Variants in XPA observed in about 807,000 individuals in gnomAD.
XPA encodes the protein XPA, DNA damage recognition and repair factor, also known as DNA repair protein complementing XP-A cells.
A neutral mutation model predicts 35.7 loss-of-function variants in XPA; 27 were observed. The ratio of observed to expected loss-of-function variants is 0.76; its 90% CI spans 0.56 to 1.04. The LOEUF is 1.04. XPA is among the 50% of genes least tolerant of loss of function. The pLI is 0.00. For missense variants in XPA, 354 were observed against 342.7 expected (o/e 1.03, Z -0.26); for synonymous variants, 133 against 118.4 (o/e 1.12, Z -0.80).
At chr9:97,668,335 G>T in the XPA span, among the ~76,000 whole-genome samples, 1 of 152,196 alleles carries the variant, frequency 6.6e-6, no homozygotes, top group African/African-American at 2.4e-5. Context: ...GCTGGGGGCA[G>T]GGATTATTAA....
the XPA span, chr9:97,663,082 G>A: frequency 1.4e-6 from 2 of 1,456,980 alleles, no homozygotes; most frequent in South Asian, 1.2e-5. Context: ...TTGAAGCTCT[G>A]ATTGTATGGG....
downstream of XPA, chr9:97,673,173 A>G (rs908115606): frequency 6.6e-6 from 1 of 152,168 alleles, no homozygotes; most frequent in African/African-American, 2.4e-5. Context: ...AAATGAGTTT[A>G]TCAACTGTTT....
At chr9:97,669,554 C>G in the XPA span, 1 of 1,399,938 alleles carries the variant, frequency 7.1e-7, no homozygotes, top group Non-Finnish European at 1.0e-6. Flanking sequence ...GTATAAGATT[C>G]TGTCTGTAGT....
At chr9:97,691,742 G>T (rs1019745659) in intron 2 of XPA, among the ~76,000 whole-genome samples, 1 of 151,580 alleles carries the variant, frequency 6.6e-6, no homozygotes, top group South Asian at 2.1e-4. Context: ...AATTAGCCAG[G>T]CATGGTAGTG....
In XPA at chr9:97,697,151, AGGGCCGGGCAGCCAGCC is replaced by A; in HGVS notation, c.125_141del (p.Arg42LeufsTer14). The A allele has an allele frequency of 6.4e-7, 1 of 1,566,344 alleles. No individual in the cohort carries two copies. Among genetic ancestry groups the A allele is most frequent in the Non-Finnish European group, 8.6e-7 (1 of 1,159,274 alleles). On this transcript the variant is annotated frameshift_variant, in exon 1 of 6. Transcript: ENST00000375128. LOFTEE classifies it high-confidence loss of function. Reference sequence around the variant, plus strand: ...GTAGCCGCAGCCGCCGTCGCCGAGTAGGGCCGGGCAGCCAGCCGGGCCTGGCGCAGCATCAGTGCCCG... The same window carrying A: ...GTAGCCGCAGCCGCCGTCGCCGAGTAGGGCCTGGCGCAGCATCAGTGCCCG...
rs781195170 is a variant in XPA at position 97,687,173 on chromosome 9, GCT to G, written c.476_477del (p.Glu159AlafsTer4). 6.2e-7 allele frequency: 1 copy of G among 1,612,268 alleles called. No individual in the cohort carries two copies. The highest frequency in any genetic ancestry group is 8.5e-7 in the Non-Finnish European group (1 of 1,179,456). ...TTCTTCACAATAAATTTAAGAGGTG[GCT>G]CTCTTTTTTCTAAATCACAGTCTTT... ...LLKDCDLEKR[E>X]PPLKFIVKKN... On this transcript the variant is annotated frameshift_variant, in exon 4 of 6. Transcript: ENST00000375128. LOFTEE classifies it high-confidence loss of function.
chr9:97,666,551 G>A, the XPA span, among the ~76,000 whole-genome samples: 17,949 of 152,176 alleles, frequency 0.12, 3,006 homozygotes, highest in African/African-American at 0.37. Context: ...CCCTCAGGGG[G>A]CTCGCCTGAA....
intron 5 of XPA, among the ~76,000 whole-genome samples, chr9:97,677,564 C>A (rs540029801): frequency 6.6e-6 from 1 of 152,120 alleles, no homozygotes; most frequent in African/African-American, 2.4e-5. Context: ...GCCACGGTGA[C>A]ATGAGCCTGT....
the XPA span, among the ~76,000 whole-genome samples, chr9:97,659,360 G>T: frequency 1.3e-5 from 2 of 152,216 alleles, no homozygotes; most frequent in East Asian, 3.9e-4. Context: ...CTTCCATTTT[G>T]TGTTGTGTAG....
chr9:97,658,570 G>A, the XPA span: 2 of 1,163,722 alleles, frequency 1.7e-6, no homozygotes, highest in South Asian at 2.5e-5. Flanking sequence ...TGACTTTCCA[G>A]GTAAGTCGGG....
chr9:97,661,237 TC>T, the XPA span, among the ~76,000 whole-genome samples: 1 of 152,178 alleles, frequency 6.6e-6, no homozygotes, highest in Non-Finnish European at 1.5e-5. Flanking sequence ...TAAAAAGAGA[TC>T]CTAACATTTC....
chr9:97,655,660 AT>A, the XPA span: 16 of 1,513,272 alleles, frequency 1.1e-5, no homozygotes, highest in Non-Finnish European at 1.4e-5. Flanking sequence ...AATCCCAGTT[AT>A]TCTTCCTTTT....
the XPA span, among the ~76,000 whole-genome samples, chr9:97,668,422 G>T: frequency 6.6e-6 from 1 of 152,128 alleles, no homozygotes; most frequent in Admixed American, 6.5e-5. Context: ...ATTATATGTC[G>T]GCTGGAGCCA....
At chr9:97,667,141 C>G in the XPA span, among the ~76,000 whole-genome samples, 2 of 152,094 alleles carry the variant, frequency 1.3e-5, no homozygotes, top group Admixed American at 6.6e-5. Flanking sequence ...CTGGGTCGGC[C>G]TCACGTTTGC....
chr9:97,673,679 C>T (rs1463871191), downstream of XPA: 1 of 152,206 alleles, frequency 6.6e-6, no homozygotes, highest in Non-Finnish European at 1.5e-5. Context: ...TGTCACTGTA[C>T]ATCATACCTT....
At chr9:97,689,318 C>T (rs765932978) in intron 3 of XPA, among the ~76,000 whole-genome samples, 1 of 152,096 alleles carries the variant, frequency 6.6e-6, no homozygotes, top group African/African-American at 2.4e-5. Flanking sequence ...ATGGCAGAAC[C>T]ATCGGCATCC....
chr9:97,663,153 C>T, the XPA span: 1 of 837,188 alleles, frequency 1.2e-6, no homozygotes, highest in Non-Finnish European at 1.9e-6. Context: ...TTTGACTCTG[C>T]CTAGATAATG....
intron 4 of XPA, among the ~76,000 whole-genome samples, chr9:97,685,427 C>T (rs913371986): frequency 5.9e-5 from 9 of 152,118 alleles, no homozygotes; most frequent in African/African-American, 1.9e-4. Context: ...AATCTCCAAC[C>T]GCAGGAAATT....
the XPA span, among the ~76,000 whole-genome samples, chr9:97,667,494 A>G: frequency 6.6e-6 from 1 of 152,220 alleles, no homozygotes; most frequent in East Asian, 1.9e-4. Context: ...ACATACCTGT[A>G]TACATATATG....
Sources: allele counts gnomAD v4.1 joint callset (sites outside exome capture counted in the v4.1 genomes callset), GRCh38; gene constraint gnomAD v4.1.1; transcripts MANE v1.5; gene names NCBI Gene and HGNC (gene_info 2026-07-23, HGNC 2026-07-21).